RTN1: variants seen among roughly 807,000 people sequenced by gnomAD.
RTN1 encodes the protein reticulon 1, also known as reticulon-1.
RTN1 carries 25 observed loss-of-function variants against 65.5 expected under a neutral mutation model. The ratio of observed to expected loss-of-function variants is 0.38; its 90% CI spans 0.28 to 0.53. RTN1 has a LOEUF of 0.53. RTN1 is among the 20% of genes least tolerant of loss of function. The probability of loss-of-function intolerance (pLI) is 0.79; values close to 1 mark genes in which losing one functional copy is unlikely to be tolerated. For missense variants in RTN1, 983 were observed against 1,025.4 expected (o/e 0.96, Z 0.57); for synonymous variants, 471 against 447.6 (o/e 1.05, Z -0.66).
At chr14:59,789,021 G>C (rs1886301125) in intron 1 of RTN1, among the ~76,000 whole-genome samples, 1 of 152,018 alleles carries the variant, frequency 6.6e-6, no homozygotes, top group African/African-American at 2.4e-5. Context: ...AAAGCCTTTT[G>C]TATATTATGT....
intron 1 of RTN1, among the ~76,000 whole-genome samples, chr14:59,835,994 G>C (rs1887206619): frequency 6.6e-6 from 1 of 152,248 alleles, no homozygotes; most frequent in Admixed American, 6.5e-5. Flanking sequence ...CTGCTTCCTT[G>C]CCTTTTTCCA....
chr14:59,753,405 T>C (rs1008480324), intron 1 of RTN1, among the ~76,000 whole-genome samples: 16 of 152,306 alleles, frequency 1.1e-4, no homozygotes, highest in African/African-American at 3.6e-4. Flanking sequence ...CATTTTATTT[T>C]TAAAACTTTT....
At chr14:59,761,982 C>A (rs552290121) in intron 1 of RTN1, among the ~76,000 whole-genome samples, 1 of 152,114 alleles carries the variant, frequency 6.6e-6, no homozygotes, top group African/African-American at 2.4e-5. Flanking sequence ...GTTAGGAACA[C>A]GACATGGCAG....
intron 3 of RTN1, chr14:59,610,208 A>T (rs1881903775): frequency 5.5e-6 from 4 of 730,748 alleles, no homozygotes. Context: ...AATGGCAGGC[A>T]CTTCATGGAC....
At chr14:59,791,890 G>A (rs1886355060) in intron 1 of RTN1, among the ~76,000 whole-genome samples, 1 of 152,062 alleles carries the variant, frequency 6.6e-6, no homozygotes, top group Admixed American at 6.5e-5. Flanking sequence ...CGAGGGCATA[G>A]GGGGAGCTTT....
At chr14:59,749,120 A>ATATCTATC (rs1885297582) in intron 1 of RTN1, among the ~76,000 whole-genome samples, 1 of 48,220 alleles carries the variant, frequency 2.1e-5, no homozygotes, top group Admixed American at 3.1e-4. Context: ...ATATATATAT[A>ATATCTATC]TATAGATATA....
At chr14:59,729,066 A>G (rs2139481813) in intron 2 of RTN1, among the ~76,000 whole-genome samples, 1 of 152,348 alleles carries the variant, frequency 6.6e-6, no homozygotes, top group South Asian at 2.1e-4. Flanking sequence ...GAGTCCGTGT[A>G]GGCCTCATTG....
chr14:59,854,435 G>A (rs1183071322), intron 1 of RTN1, among the ~76,000 whole-genome samples: 1 of 151,902 alleles, frequency 6.6e-6, no homozygotes, highest in East Asian at 1.9e-4. Context: ...AAGGTCAGGA[G>A]ATCAAGACCA....
intron 3 of RTN1, among the ~76,000 whole-genome samples, chr14:59,705,906 A>G (rs1294305773): frequency 6.6e-6 from 1 of 152,198 alleles, no homozygotes; most frequent in Non-Finnish European, 1.5e-5. Flanking sequence ...CCTCAGAGCC[A>G]AAGTCTCTCT....
At chr14:59,650,381 C>T (rs538240848) in intron 3 of RTN1, among the ~76,000 whole-genome samples, 95 of 152,232 alleles carry the variant, frequency 6.2e-4, no homozygotes, top group Non-Finnish European at 1.2e-3. Flanking sequence ...CAAACCTGCA[C>T]ATTCAGCACA....
At chr14:59,749,610 T>A (rs1885375165) in intron 1 of RTN1, among the ~76,000 whole-genome samples, 1 of 73,922 alleles carries the variant, frequency 1.4e-5, no homozygotes, top group African/African-American at 8.7e-5. Flanking sequence ...TATCTATATA[T>A]ATTTATATAG....
chr14:59,811,192 T>C (rs1886722093), intron 1 of RTN1, among the ~76,000 whole-genome samples: 1 of 152,124 alleles, frequency 6.6e-6, no homozygotes, highest in African/African-American at 2.4e-5. Context: ...GGATACTCAG[T>C]AGGAATGTTT....
At chr14:59,610,795 A>C (rs1470376523) in intron 3 of RTN1, among the ~76,000 whole-genome samples, 1 of 152,206 alleles carries the variant, frequency 6.6e-6, no homozygotes, top group Non-Finnish European at 1.5e-5. Flanking sequence ...TGGAGGCTAC[A>C]AGATTCTGAC....
At chr14:59,680,809 T>C (rs142694390) in intron 3 of RTN1, among the ~76,000 whole-genome samples, 189 of 152,280 alleles carry the variant, frequency 1.2e-3, no homozygotes, top group African/African-American at 4.3e-3. Context: ...CAATAGAGAA[T>C]GTGTAACTAA....
At chr14:59,834,852 T>C (rs1255926274) in intron 1 of RTN1, among the ~76,000 whole-genome samples, 1 of 152,146 alleles carries the variant, frequency 6.6e-6, no homozygotes, top group African/African-American at 2.4e-5. Context: ...GGACTGACAA[T>C]AGCAAATCTT....
Position 59,727,351 on chromosome 14 carries a change from C to T in RTN1, c.1333G>A (p.Ala445Thr), listed in dbSNP as rs981223973. ...ATGCTGTACTGGATGGATGGCGAGG[C>T]GGGCGAGGGCGGCGGGCCGCCCACG... ...GHVGGPPPSPASPSIQYSILR... is the reference protein window; with the variant it reads ...GHVGGPPPSPTSPSIQYSILR... Residue 445 changes from alanine to threonine, a missense_variant, in exon 3 of 9, where the codon GCC (alanine) becomes ACC (threonine). Around this residue, in one of 2 missense-constraint regions of RTN1, gnomAD observed 818 missense variants for 801.8 expected, o/e 1.02. Transcript: ENST00000267484. This position sits in a 1 kb window ranked among gnomAD's most constrained non-coding sequence, Gnocchi z 4.2. 10 of 1,501,848 alleles carry T rather than the reference C, an allele frequency of 6.7e-6. No individual in the cohort carries two copies. The highest frequency in any genetic ancestry group is 1.4e-5 in the African/African-American group (1 of 72,220). The allele number at this position is 1,501,848 out of a possible 1,614,324, so 93.0% of individuals were successfully genotyped here.
chr14:59,818,597 G>C (rs1030060299), intron 1 of RTN1, among the ~76,000 whole-genome samples: 1 of 152,076 alleles, frequency 6.6e-6, no homozygotes, highest in Non-Finnish European at 1.5e-5. Flanking sequence ...CCATGTCTTT[G>C]TCATCGCGAA....
At chr14:59,722,311 A>T (rs1207862685) in intron 3 of RTN1, among the ~76,000 whole-genome samples, 2 of 152,176 alleles carry the variant, frequency 1.3e-5, no homozygotes, top group African/African-American at 4.8e-5. Flanking sequence ...TGGAGTTTAG[A>T]AAAGAGGATT....
intron 3 of RTN1, among the ~76,000 whole-genome samples, chr14:59,696,643 A>G (rs2139443584): frequency 6.6e-6 from 1 of 152,204 alleles, no homozygotes; most frequent in Non-Finnish European, 1.5e-5. Flanking sequence ...CTAAATTTCT[A>G]CCAAGGTGTG....
Sources: gnomAD v4.1 joint callset for allele counts (sites outside exome capture counted in the v4.1 genomes callset) on GRCh38, gnomAD v4.1.1 for gene constraint, gnomAD v4.1.1 regional missense constraint, Gnocchi (gnomAD v3.1) non-coding constraint, MANE v1.5 for transcripts, NCBI Gene and HGNC (gene_info 2026-07-23, HGNC 2026-07-21) for gene names.